The following SPMIP8 variants were observed in gnomAD, a reference collection of about 807,000 sequenced individuals.
SPMIP8 encodes sperm microtubule inner protein 8.
the SPMIP8 span, chr16:57,986,029 C>T: frequency 2.7e-6 from 4 of 1,469,966 alleles, no homozygotes; most frequent in Non-Finnish European, 2.7e-6. Context: ...GACTCTGAAA[C>T]CCCCCTGCCC....
At chr16:57,981,817 G>A in the SPMIP8 span, among the ~76,000 whole-genome samples, 1 of 151,994 alleles carries the variant, frequency 6.6e-6, no homozygotes, top group Non-Finnish European at 1.5e-5. Flanking sequence ...GTGATTGCTA[G>A]TTTAACATTA....
At chr16:57,981,392 A>ATTATTATTATTATT in the SPMIP8 span, among the ~76,000 whole-genome samples, 10 of 83,582 alleles carry the variant, frequency 1.2e-4, no homozygotes, top group South Asian at 8.1e-4. Context: ...TAATAATAAT[A>ATTATTATTATTATT]ATTATTATTA....
At chr16:57,987,651 C>T in the SPMIP8 span, 7 of 445,826 alleles carry the variant, frequency 1.6e-5, no homozygotes, top group Non-Finnish European at 2.7e-5. Context: ...TACCCTTGCC[C>T]GTCCCCGGCC....
chr16:57,985,189 G>A, the SPMIP8 span: 1 of 1,511,324 alleles, frequency 6.6e-7, no homozygotes, highest in Non-Finnish European at 8.8e-7. Flanking sequence ...CGCTCGAGAG[G>A]GGCTTTCTGT....
the SPMIP8 span, among the ~76,000 whole-genome samples, chr16:57,978,676 C>T: frequency 2.6e-5 from 4 of 152,172 alleles, no homozygotes; most frequent in East Asian, 5.9e-4. Flanking sequence ...AGTGCAGTAG[C>T]ATGATCACAG....
chr16:57,980,200 G>A, the SPMIP8 span, among the ~76,000 whole-genome samples: 1 of 152,230 alleles, frequency 6.6e-6, no homozygotes, highest in African/African-American at 2.4e-5. Flanking sequence ...TGTCAAAGGA[G>A]GAGGGGTTGG....
the SPMIP8 span, chr16:57,986,952 C>T: frequency 6.4e-6 from 1 of 156,262 alleles, no homozygotes. Context: ...CTTCCCCCAC[C>T]CTCTGCCTCT....
At chr16:57,982,244 A>G in the SPMIP8 span, among the ~76,000 whole-genome samples, 1 of 152,230 alleles carries the variant, frequency 6.6e-6, no homozygotes, top group Non-Finnish European at 1.5e-5. Flanking sequence ...TCTAATATCC[A>G]GACCATATTA....
chr16:57,985,164 G>C, the SPMIP8 span: 81 of 1,464,506 alleles, frequency 5.5e-5, no homozygotes, highest in Non-Finnish European at 6.5e-5. Context: ...CTTGTCCTGG[G>C]GGGGGGCGGA....
chr16:57,977,764 T>G, the SPMIP8 span: 1 of 1,569,170 alleles, frequency 6.4e-7, no homozygotes, highest in Non-Finnish European at 8.7e-7. Flanking sequence ...GAGAAGGGTG[T>G]CTGGCCAGCA....
At chr16:57,980,490 G>A in the SPMIP8 span, among the ~76,000 whole-genome samples, 1 of 152,312 alleles carries the variant, frequency 6.6e-6, no homozygotes, top group South Asian at 2.1e-4. Context: ...TTCTTACCTG[G>A]AGAAAGTTAC....
the SPMIP8 span, chr16:57,986,171 C>T: frequency 2.2e-6 from 1 of 462,360 alleles, no homozygotes; most frequent in Non-Finnish European, 3.8e-6. Flanking sequence ...CACATCCCAC[C>T]AGGTTTGACT....
the SPMIP8 span, chr16:57,984,564 G>A: frequency 1.3e-6 from 2 of 1,494,410 alleles, no homozygotes; most frequent in Non-Finnish European, 1.8e-6. Flanking sequence ...AGGCCTTTGG[G>A]ATGGACTGGG....
At chr16:57,976,659 G>C in the SPMIP8 span, 1 of 1,611,344 alleles carries the variant, frequency 6.2e-7, no homozygotes, top group Admixed American at 1.7e-5. Context: ...GGGAGCCCTT[G>C]CTCTCTTCCC....
At chr16:57,978,091 G>A in the SPMIP8 span, 2 of 1,550,056 alleles carry the variant, frequency 1.3e-6, no homozygotes, top group Non-Finnish European at 1.8e-6. Context: ...ATGGTTTCAG[G>A]AAAGAGGGAG....
the SPMIP8 span, chr16:57,985,895 C>G: frequency 1.1e-5 from 18 of 1,610,920 alleles, no homozygotes; most frequent in South Asian, 1.7e-4. Context: ...CTCACCCGCC[C>G]CGTTCTTTCC....
At chr16:57,979,007 G>A in the SPMIP8 span, among the ~76,000 whole-genome samples, 2 of 152,200 alleles carry the variant, frequency 1.3e-5, no homozygotes, top group African/African-American at 2.4e-5. Context: ...AAGCATCTCT[G>A]TATGTGGAAA....
the SPMIP8 span, chr16:57,987,532 G>A: frequency 2.5e-4 from 329 of 1,300,214 alleles, no homozygotes; most frequent in African/African-American, 3.9e-3. Context: ...CAGGAGTTCA[G>A]CCTAACTAGA....
At chr16:57,985,146 A>T in the SPMIP8 span, 1 of 1,299,576 alleles carries the variant, frequency 7.7e-7, no homozygotes. Context: ...TTAGATGAGG[A>T]GGCGGGGCTT....
Sources: allele counts gnomAD v4.1 joint callset (sites outside exome capture counted in the v4.1 genomes callset), GRCh38; gene constraint gnomAD v4.1.1; transcripts MANE v1.5; gene names NCBI Gene and HGNC (gene_info 2026-07-23, HGNC 2026-07-21).